RDH11: variants seen among roughly 807,000 people sequenced by gnomAD.
The protein encoded by RDH11 is HCV core-binding protein HCBP12.
A neutral mutation model predicts 33.4 loss-of-function variants in RDH11; 19 were observed. The observed-to-expected ratio is 0.57, with a 90% CI of 0.40 to 0.83. RDH11 has a LOEUF of 0.83. Ranked by LOEUF, RDH11 falls within the 40% of genes least tolerant of loss-of-function variation. The pLI is 0.00. For synonymous variants in RDH11, 154 were observed against 155.3 expected (o/e 0.99, Z 0.06); for missense variants, 353 against 389.0 (o/e 0.91, Z 0.78).
chr14:67,686,502 G>C (rs2037680049), intron 5 of RDH11, among the ~76,000 whole-genome samples: 1 of 152,120 alleles, frequency 6.6e-6, no homozygotes, highest in African/African-American at 2.4e-5. Flanking sequence ...GGCCGGGCAT[G>C]GTGGCGTGCA....
At chr14:67,691,574 G>C (rs1018124239) in intron 3 of RDH11, 1 of 216,888 alleles carries the variant, frequency 4.6e-6, no homozygotes, top group African/African-American at 2.3e-5. Context: ...AGATTCCAAA[G>C]CAAGAGAAAA....
chr14:67,678,165 G>A lies in RDH11; in HGVS notation c.*156C>T. The A allele has an allele frequency of 3.4e-6, 2 of 579,808 alleles. No homozygotes were observed. The highest frequency in any genetic ancestry group is 6.2e-6 in the Non-Finnish European group (2 of 320,980). 35.9% of individuals were successfully genotyped at this position (579,808 alleles called of 1,614,324 possible). On this transcript the variant is annotated 3_prime_UTR_variant, in exon 7 of 7. Transcript: ENST00000381346. ...GACAGACATTTAGACGAATCTGGCA[G>A]TACACTGAGTTTTAACTGGACACCA...
In RDH11 at chr14:67,677,971, A is replaced by T. The variant is rs2037564856; in HGVS notation, c.*350T>A. ...GGGAGGAACTGAATTGTGAACAAAGAAGCTAGTTCAAATTTGCATAAATCA... is the reference window on the plus strand; with the variant it reads ...GGGAGGAACTGAATTGTGAACAAAGTAGCTAGTTCAAATTTGCATAAATCA... On this transcript the variant is annotated 3_prime_UTR_variant, in exon 7 of 7. Transcript: ENST00000381346. The T allele has an allele frequency of 6.0e-6, 1 of 165,676 alleles. No individual in the cohort carries two copies. Among genetic ancestry groups the T allele is most frequent in the Non-Finnish European group, 1.3e-5 (1 of 76,594 alleles). 10.3% of individuals were successfully genotyped at this position (165,676 alleles called of 1,614,324 possible).
chr14:67,680,077 C>T (rs534947763), intron 6 of RDH11, among the ~76,000 whole-genome samples: 105 of 152,338 alleles, frequency 6.9e-4, no homozygotes, highest in Middle Eastern at 3.4e-3. Context: ...TCCAGCCCTA[C>T]TCCAGACATA....
rs371282652 is a variant in RDH11 at position 67,681,909 on chromosome 14, G to A, written c.854+3106C>T. Among the ~76,000 whole-genome samples the A allele has an allele frequency of 3.0e-4, 46 of 152,256 alleles. 1 individual carries two copies. The highest frequency in any genetic ancestry group is 1.1e-3 in the African/African-American group (45 of 41,554). On this transcript the variant is annotated intron_variant, in intron 6 of 6. Transcript: ENST00000381346. ...TAAAAAATCACATGTTGGAAACTTA[G>A]TCCCTCTGCCTTCATGAACAGATTA... is the stretch of plus-strand genomic sequence containing the variant.
At chr14:67,682,187 T>C (rs879847927) in intron 6 of RDH11, among the ~76,000 whole-genome samples, 7 of 152,176 alleles carry the variant, frequency 4.6e-5, no homozygotes, top group Admixed American at 3.3e-4. Flanking sequence ...CTAAAGACAG[T>C]AGTAAATCTT....
chr14:67,691,463 G>A, intron 3 of RDH11: 1 of 488,274 alleles, frequency 2.0e-6, no homozygotes, highest in Non-Finnish European at 3.7e-6. Context: ...ACTACCAAAT[G>A]ACCTTCCAGA....
chr14:67,687,201 A>C (rs1441051696), intron 5 of RDH11, among the ~76,000 whole-genome samples: 1 of 152,162 alleles, frequency 6.6e-6, no homozygotes, highest in Non-Finnish European at 1.5e-5. Context: ...TCTGCTGATG[A>C]AATCAACTGC....
At chr14:67,690,895 C>A in intron 4 of RDH11, 1 of 505,146 alleles carries the variant, frequency 2.0e-6, no homozygotes. Flanking sequence ...GTCCCCTAAA[C>A]CAATTAGTCT....
intron 1 of RDH11, among the ~76,000 whole-genome samples, chr14:67,693,540 C>T (rs1378347604): frequency 1.3e-5 from 2 of 151,328 alleles, no homozygotes; most frequent in South Asian, 2.1e-4. Context: ...CACCCACACG[C>T]ATGCACATAC....
chr14:67,692,387 G>A, intron 3 of RDH11, 51 bp downstream of exon 3: 1 of 1,587,088 alleles, frequency 6.3e-7, no homozygotes, highest in Non-Finnish European at 8.6e-7. Context: ...AGTTGAATCT[G>A]CCATGTTGAC....
At chr14:67,694,966 T>C in intron 1 of RDH11, among the ~76,000 whole-genome samples, 1 of 152,174 alleles carries the variant, frequency 6.6e-6, no homozygotes, top group East Asian at 1.9e-4. Flanking sequence ...TTGGCCAGCC[T>C]TGGGCTGATT....
chr14:67,678,332 G>C lies in RDH11; in HGVS notation c.946C>G (p.Pro316Ala), dbSNP rs17852376. The change falls in exon 7 of 7, where the codon CCA (proline) becomes GCA (alanine). Residue 316 changes from proline (P) to alanine (A), a missense_variant. Physicochemically the swap from Pro to Ala is conservative, Grantham distance 27. Transcript: ENST00000381346. ...ACTGGCACTGCCTGTTAGTCTATTG[G>C]GAGGCCCAGCAGGTCACAACTGACG... is the stretch of plus-strand genomic sequence containing the variant. Reference protein sequence around the residue: ...WDVSCDLLGLPID With the variant: ...WDVSCDLLGLAID 5.3e-5 allele frequency: 86 copies of C among 1,611,072 alleles called. No homozygotes were observed. The highest frequency in any genetic ancestry group is 6.5e-5 in the Non-Finnish European group (76 of 1,177,356).
In RDH11 at chr14:67,690,110, G is replaced by T; in HGVS notation, c.664+102C>A. ...GTACCCAATTATAGCCACGGAAGCA[G>T]GTCCTCTCCAGGTGATGGGCTCTGG... On this transcript the variant is annotated intron_variant, in intron 5 of 6. Transcript: ENST00000381346. 2 of 952,318 alleles carry T rather than the reference G, an allele frequency of 2.1e-6. 1 individual carries two copies. The allele number at this position is 952,318 out of a possible 1,614,324, so 59.0% of individuals were successfully genotyped here.
chr14:67,684,188 G>C lies in RDH11; in HGVS notation c.854+827C>G, dbSNP rs973141260. On this transcript the variant is annotated intron_variant, in intron 6 of 6. Coordinates refer to ENST00000381346, the MANE Select transcript of RDH11 (RefSeq NM_016026.4). The stretch of plus-strand genomic sequence containing the variant: ...AACTCTGGGGCTCCTCCACAAGGCT[G>C]GCATTATAGGCCTCTCATAATCTGT... 2.6e-5 allele frequency among the ~76,000 whole-genome samples: 4 copies of C among 152,160 alleles called. No individual in the cohort carries two copies. The East Asian group carries it at 7.7e-4, about 29-fold the overall frequency.
intron 3 of RDH11, 61 bp from the exon 4 acceptor site, chr14:67,691,305 G>A (rs1210756454): frequency 2.8e-6 from 3 of 1,084,938 alleles, no homozygotes; most frequent in African/African-American, 1.5e-5. Context: ...ATCTTAGAAA[G>A]CTGCCTCACG....
chr14:67,685,133 T>A lies in RDH11; in HGVS notation c.736A>T (p.Met246Leu), dbSNP rs769372577. The A allele has an allele frequency of 1.9e-6, 3 of 1,614,124 alleles. No individual in the cohort carries two copies. Among genetic ancestry groups the A allele is most frequent in the Non-Finnish European group, 2.5e-6 (3 of 1,180,020 alleles). The change falls in exon 6 of 7, where the codon ATG becomes TTG. Residue 246 changes from methionine to leucine, a missense_variant. Transcript: ENST00000381346. Reference sequence around the variant, plus strand: ...GAGAAAAGCCACCACATCCATCTCATGAAAGATGAGTGCCGAACCAGTTCA... The same window carrying A: ...GAGAAAAGCCACCACATCCATCTCAAGAAAGATGAGTGCCGAACCAGTTCA... ...QSELVRHSSFMRWMWWLFSFF... is the reference protein window; with the variant it reads ...QSELVRHSSFLRWMWWLFSFF...
intron 2 of RDH11, 162 bp downstream of exon 2, chr14:67,692,772 C>A: frequency 1.2e-6 from 1 of 859,212 alleles, no homozygotes. Flanking sequence ...ATTAAGGGTC[C>A]ATTATATGTA....
At chr14:67,690,715 G>A (rs2037738634) in intron 4 of RDH11, 1 of 416,426 alleles carries the variant, frequency 2.4e-6, no homozygotes, top group African/African-American at 2.0e-5. Flanking sequence ...TGGGTGCGGT[G>A]GCTCACGCCG....
Sources: gnomAD v4.1 joint callset for allele counts (sites outside exome capture counted in the v4.1 genomes callset) on GRCh38, gnomAD v4.1.1 for gene constraint, MANE v1.5 for transcripts, NCBI Gene and HGNC (gene_info 2026-07-23, HGNC 2026-07-21) for gene names.